CDC123: variants seen among roughly 807,000 people sequenced by gnomAD.
CDC123 encodes the protein translation initiation factor eIF2 assembly protein.
In CDC123, 37 loss-of-function variants were observed where a neutral mutation model predicts 54.4. That is an observed-to-expected ratio of 0.68 (90% CI 0.52 to 0.89). The LOEUF is 0.89. Ranked by LOEUF, CDC123 falls within the 40% of genes least tolerant of loss-of-function variation. CDC123 has a pLI of 0.00. For missense variants in CDC123, 361 were observed against 412.1 expected (o/e 0.88, Z 1.07); for synonymous variants, 144 against 136.8 (o/e 1.05, Z -0.37).
intron 2 of CDC123, among the ~76,000 whole-genome samples, chr10:12,206,984 A>G (rs1238844195): frequency 6.6e-6 from 1 of 150,650 alleles, no homozygotes; most frequent in African/African-American, 2.4e-5. Flanking sequence ...AAAAGATTGG[A>G]AGCATTATTG....
intron 6 of CDC123, among the ~76,000 whole-genome samples, chr10:12,219,842 C>T (rs1053638739): frequency 1.3e-5 from 2 of 152,072 alleles, no homozygotes; most frequent in South Asian, 2.1e-4. Context: ...ATGGCTACCA[C>T]GCCCAGCTAA....
At chr10:12,216,635 T>A (rs528591183) in intron 5 of CDC123, among the ~76,000 whole-genome samples, 18 of 152,316 alleles carry the variant, frequency 1.2e-4, no homozygotes, top group African/African-American at 4.3e-4. Context: ...AATATTTTAG[T>A]ACTTTTCTTC....
intron 6 of CDC123, among the ~76,000 whole-genome samples, chr10:12,230,285 C>T (rs1052263207): frequency 2.6e-5 from 4 of 151,942 alleles, no homozygotes; most frequent in South Asian, 4.2e-4. Context: ...CTCCGCCTCA[C>T]GGTTTTAGGT....
chr10:12,226,874 A>T (rs1025970837), intron 6 of CDC123, among the ~76,000 whole-genome samples: 5 of 152,150 alleles, frequency 3.3e-5, no homozygotes, highest in African/African-American at 1.2e-4. Context: ...CAGAGGCTGC[A>T]ATCTCGGCAC....
At chr10:12,211,595 C>T (rs1160417280) in intron 4 of CDC123, among the ~76,000 whole-genome samples, 1 of 152,182 alleles carries the variant, frequency 6.6e-6, no homozygotes, top group Non-Finnish European at 1.5e-5. Context: ...GGGCACTAAA[C>T]TAGATTCCGT....
intron 2 of CDC123, among the ~76,000 whole-genome samples, chr10:12,202,218 C>T (rs72781580): frequency 0.039 from 5,867 of 152,278 alleles, 164 homozygotes; most frequent in Non-Finnish European, 0.054. Flanking sequence ...CACCGTCACT[C>T]CATTCAAAAC....
chr10:12,211,838 G>A (rs940130836), intron 4 of CDC123, among the ~76,000 whole-genome samples: 2 of 152,208 alleles, frequency 1.3e-5, no homozygotes, highest in Non-Finnish European at 2.9e-5. Flanking sequence ...GCCTGGCGCG[G>A]TGGCCGATGC....
At chr10:12,197,995 A>G (rs912565598) in intron 1 of CDC123, among the ~76,000 whole-genome samples, 4 of 152,320 alleles carry the variant, frequency 2.6e-5, no homozygotes, top group Non-Finnish European at 4.4e-5. Flanking sequence ...ATATGCCTCA[A>G]AATCAAAATA....
intron 6 of CDC123, among the ~76,000 whole-genome samples, chr10:12,227,121 C>T (rs1005972584): frequency 1.6e-4 from 24 of 152,114 alleles, no homozygotes; most frequent in Admixed American, 6.5e-4. Context: ...TCAGGCGTGG[C>T]GGCGTGCGCC....
rs1564260510 is a variant in CDC123 at position 12,246,131 on chromosome 10, T to C, written c.718-18T>C. 1.9e-6 allele frequency: 3 copies of C among 1,605,662 alleles called. No individual in the cohort carries two copies. The highest frequency in any genetic ancestry group is 2.2e-5 in the South Asian group (2 of 90,046). On this transcript the variant is annotated intron_variant, in intron 10 of 12. Coordinates refer to ENST00000281141, the MANE Select transcript of CDC123 (RefSeq NM_006023.3). Reference sequence around the variant, plus strand: ...ACAGAAGATGTTTGTTTTTGTTTTTTCTCTCTCTGTGCTACAGGGGAAGGT... The same window carrying C: ...ACAGAAGATGTTTGTTTTTGTTTTTCCTCTCTCTGTGCTACAGGGGAAGGT...
intron 6 of CDC123, among the ~76,000 whole-genome samples, chr10:12,225,603 C>T (rs900903204): frequency 6.6e-6 from 1 of 152,036 alleles, no homozygotes; most frequent in Non-Finnish European, 1.5e-5. Context: ...GAAGAAAAAG[C>T]GGGCCTGACA....
intron 4 of CDC123, among the ~76,000 whole-genome samples, chr10:12,210,689 G>T (rs1300084700): frequency 6.6e-6 from 1 of 152,042 alleles, no homozygotes; most frequent in Non-Finnish European, 1.5e-5. Flanking sequence ...TATTTATTTA[G>T]TTAGTTAGTT....
At chr10:12,235,950 G>A (rs1588681236) in intron 8 of CDC123, among the ~76,000 whole-genome samples, 2 of 152,208 alleles carry the variant, frequency 1.3e-5, no homozygotes, top group South Asian at 2.1e-4. Flanking sequence ...GGGAGTTTGT[G>A]TAATAGTCCA....
intron 9 of CDC123, 77 bp from the exon 10 acceptor site, chr10:12,238,380 G>A: frequency 1.3e-6 from 2 of 1,490,328 alleles, no homozygotes; most frequent in East Asian, 2.3e-5. Context: ...TGATTAAAAT[G>A]TACTTTAATT....
chr10:12,206,769 C>A (rs189087374), intron 2 of CDC123, among the ~76,000 whole-genome samples: 1 of 151,934 alleles, frequency 6.6e-6, no homozygotes, highest in African/African-American at 2.4e-5. Flanking sequence ...CCATCCTGGC[C>A]AACACGGTGA....
chr10:12,231,839 A>C (rs1207596430), intron 7 of CDC123, among the ~76,000 whole-genome samples: 6 of 151,770 alleles, frequency 4.0e-5, no homozygotes, highest in African/African-American at 1.2e-4. Context: ...CTGAAACATA[A>C]CTTTTTTTTC....
At chr10:12,213,876 T>C (rs899410035) in intron 4 of CDC123, among the ~76,000 whole-genome samples, 3 of 152,182 alleles carry the variant, frequency 2.0e-5, no homozygotes, top group Non-Finnish European at 4.4e-5. Flanking sequence ...AAAAGACAAT[T>C]GGACCTCTTC....
chr10:12,224,778 G>A (rs1276986504), intron 6 of CDC123, among the ~76,000 whole-genome samples: 1 of 152,142 alleles, frequency 6.6e-6, no homozygotes, highest in Non-Finnish European at 1.5e-5. Context: ...TTGTGGTGGT[G>A]GTGGTTTTTT....
At chr10:12,228,871 C>T (rs768543467) in intron 6 of CDC123, among the ~76,000 whole-genome samples, 6 of 151,880 alleles carry the variant, frequency 4.0e-5, no homozygotes, top group Non-Finnish European at 7.4e-5. Context: ...CGCCTGGCCA[C>T]GCCTGGCTAA....
Sources: gnomAD v4.1 joint callset for allele counts (sites outside exome capture counted in the v4.1 genomes callset) on GRCh38, gnomAD v4.1.1 for gene constraint, MANE v1.5 for transcripts, NCBI Gene and HGNC (gene_info 2026-07-23, HGNC 2026-07-21) for gene names.